AGMO: variants seen among roughly 807,000 people sequenced by gnomAD.
The protein encoded by AGMO is glyceryl-ether monooxygenase.
Under a neutral mutation model 60.2 loss-of-function variants are expected in AGMO, and 75 were observed. That is an observed-to-expected ratio of 1.25 (90% CI 1.03 to 1.51). The LOEUF (loss-of-function observed/expected upper bound fraction) is 1.51, where lower values mean the gene tolerates loss of function less well. Ranked by LOEUF, AGMO falls within the 40% of genes most tolerant of loss-of-function variation. The pLI, the probability that AGMO is intolerant of heterozygous loss-of-function variation, is 0.00. For missense variants in AGMO, 763 were observed against 525.5 expected (o/e 1.45, Z -4.42); for synonymous variants, 261 against 177.1 (o/e 1.47, Z -3.76).
At chr7:15,495,354 C>T (rs112985087) in intron 3 of AGMO, among the ~76,000 whole-genome samples, 17 of 152,210 alleles carry the variant, frequency 1.1e-4, no homozygotes, top group African/African-American at 4.1e-4. Flanking sequence ...TATGTTTATG[C>T]TCCACTGTGT....
At chr7:15,387,945 T>C (rs1230300868) in intron 8 of AGMO, among the ~76,000 whole-genome samples, 3 of 145,500 alleles carry the variant, frequency 2.1e-5, no homozygotes, top group African/African-American at 8.3e-5. Flanking sequence ...TCTCGCTCTG[T>C]TGCCCAGGCT....
Position 15,302,082 on chromosome 7 carries a change from T to G in AGMO, c.1263+63432A>C, listed in dbSNP as rs543366454. ...AAACCCTTTGTGGTACATACAAGTTTGCCTGTTTTTGCTAGCATTTTGTTT... is the reference window on the plus strand; with the variant it reads ...AAACCCTTTGTGGTACATACAAGTTGGCCTGTTTTTGCTAGCATTTTGTTT... On this transcript the variant is annotated intron_variant, in intron 12 of 12. Coordinates refer to ENST00000342526, the MANE Select transcript of AGMO (RefSeq NM_001004320.2). Among the ~76,000 whole-genome samples the G allele has an allele frequency of 2.8e-3, 427 of 152,328 alleles. 1 individual carries two copies. The highest frequency in any genetic ancestry group is 4.5e-3 in the Non-Finnish European group (309 of 68,016).
chr7:15,177,307 A>G, the AGMO span, among the ~76,000 whole-genome samples: 1 of 151,998 alleles, frequency 6.6e-6, no homozygotes, highest in African/African-American at 2.4e-5. Flanking sequence ...GTTTGCACAA[A>G]CAAACTTCTC....
chr7:15,357,097 G>A (rs964937451), intron 12 of AGMO, among the ~76,000 whole-genome samples: 27 of 150,606 alleles, frequency 1.8e-4, no homozygotes, highest in Non-Finnish European at 3.7e-4. Context: ...GCACAGAAGC[G>A]AGACTCTGTC....
intron 12 of AGMO, among the ~76,000 whole-genome samples, chr7:15,299,049 T>C (rs1298123711): frequency 6.6e-6 from 1 of 152,112 alleles, no homozygotes; most frequent in Non-Finnish European, 1.5e-5. Context: ...TTACCTCTTT[T>C]TGAAATTCAT....
intron 12 of AGMO, among the ~76,000 whole-genome samples, chr7:15,259,111 CAA>C (rs1284368049): frequency 6.6e-6 from 1 of 151,696 alleles, no homozygotes; most frequent in Non-Finnish European, 1.5e-5. Context: ...CAAAGCTAAC[CAA>C]AGAGGAACCA....
chr7:15,444,082 G>C (rs761670967), intron 3 of AGMO, among the ~76,000 whole-genome samples: 1 of 152,104 alleles, frequency 6.6e-6, no homozygotes, highest in African/African-American at 2.4e-5. Context: ...GCTTCTTAAT[G>C]AGAGGGAACT....
At chr7:15,278,353 A>G (rs1388739662) in intron 12 of AGMO, among the ~76,000 whole-genome samples, 2 of 152,096 alleles carry the variant, frequency 1.3e-5, no homozygotes, top group Non-Finnish European at 2.9e-5. Flanking sequence ...AGATGCCAGC[A>G]GTTTTGGAAT....
At chr7:15,492,857 G>A (rs1242462235) in intron 3 of AGMO, among the ~76,000 whole-genome samples, 2 of 152,038 alleles carry the variant, frequency 1.3e-5, no homozygotes, top group East Asian at 1.9e-4. Flanking sequence ...CCTTTTGGTC[G>A]CGCGTTGGGT....
intron 12 of AGMO, among the ~76,000 whole-genome samples, chr7:15,294,902 A>G (rs1309974180): frequency 6.6e-6 from 1 of 151,942 alleles, no homozygotes; most frequent in Non-Finnish European, 1.5e-5. Flanking sequence ...TTTAACAATG[A>G]ATATGAAAAC....
chr7:15,449,770 C>A (rs1378795679), intron 3 of AGMO, among the ~76,000 whole-genome samples: 1 of 152,154 alleles, frequency 6.6e-6, no homozygotes, highest in African/African-American at 2.4e-5. Context: ...TTTAAAAGTA[C>A]TACTTATTTT....
intron 12 of AGMO, among the ~76,000 whole-genome samples, chr7:15,297,600 T>C (rs558356645): frequency 3.3e-5 from 5 of 152,272 alleles, no homozygotes; most frequent in East Asian, 1.9e-4. Context: ...ATACAGAAAT[T>C]AGCAAAATAA....
At chr7:15,558,177 A>G (rs537644158) in intron 2 of AGMO, among the ~76,000 whole-genome samples, 358 of 152,196 alleles carry the variant, frequency 2.4e-3, no homozygotes, top group Non-Finnish European at 4.1e-3. Flanking sequence ...GGTACTTACA[A>G]TGTTATGATA....
At chr7:15,310,843 G>C (rs1780749139) in intron 12 of AGMO, among the ~76,000 whole-genome samples, 2 of 152,138 alleles carry the variant, frequency 1.3e-5, no homozygotes, top group Admixed American at 1.3e-4. Context: ...CACTAAGGGA[G>C]AATCTGTTTC....
chr7:15,367,049 T>C (rs892549600), intron 10 of AGMO, among the ~76,000 whole-genome samples: 2 of 152,036 alleles, frequency 1.3e-5, no homozygotes, highest in Admixed American at 6.6e-5. Context: ...TAAAATTCTT[T>C]ACATTCTGTA....
the AGMO span, among the ~76,000 whole-genome samples, chr7:15,194,411 TA>T: frequency 3.3e-5 from 5 of 152,234 alleles, no homozygotes; most frequent in East Asian, 9.6e-4. Flanking sequence ...TAAAATAACT[TA>T]AAAGTCTTTT....
Position 15,445,656 on chromosome 7 carries a change from T to A in AGMO, c.410-14548A>T, listed in dbSNP as rs567902858. Among the ~76,000 whole-genome samples, 31 of 152,322 alleles carry A rather than the reference T, an allele frequency of 2.0e-4. No individual in the cohort carries two copies. The South Asian group carries it at 6.4e-3, about 32-fold the overall frequency. On this transcript the variant is annotated intron_variant, in intron 3 of 12. Coordinates refer to ENST00000342526, the MANE Select transcript of AGMO (RefSeq NM_001004320.2). ...TGTGATATATTACTCTTATTAGTCA[T>A]AGTTTCTCTTCAGAAACATCAAACA...
At chr7:15,214,967 A>G (rs1781693269) in intron 12 of AGMO, among the ~76,000 whole-genome samples, 1 of 152,090 alleles carries the variant, frequency 6.6e-6, no homozygotes, top group African/African-American at 2.4e-5. Context: ...GACAGCAGTG[A>G]TCCTATAAGA....
Position 15,354,429 on chromosome 7 carries a change from CGT to C in AGMO, c.1263+11083_1263+11084del, listed in dbSNP as rs1360965743. Among the ~76,000 whole-genome samples, 20 of 21,682 alleles carry C rather than the reference CGT, an allele frequency of 9.2e-4. No individual in the cohort carries two copies. In the East Asian group the frequency reaches 0.016, roughly 17 times the overall value. 14.2% of individuals were successfully genotyped at this position (21,682 alleles called of 152,430 possible). On this transcript the variant is annotated intron_variant, in intron 12 of 12. Transcript: ENST00000342526. ...GTACACACGTGTGTGTATACACACACGTGTGTGTATACACACGTGTGTGTATA... is the reference window on the plus strand; with the variant it reads ...GTACACACGTGTGTGTATACACACACGTGTGTATACACACGTGTGTGTATA...
Sources: allele counts gnomAD v4.1 joint callset (sites outside exome capture counted in the v4.1 genomes callset), GRCh38; gene constraint gnomAD v4.1.1; transcripts MANE v1.5; gene names NCBI Gene and HGNC (gene_info 2026-07-23, HGNC 2026-07-21).